PDE4D: variants seen among roughly 807,000 people sequenced by gnomAD.
PDE4D encodes phosphodiesterase 4D, also known as 3',5'-cyclic-AMP phosphodiesterase 4D.
PDE4D carries 24 observed loss-of-function variants against 87.4 expected under a neutral mutation model. The observed-to-expected ratio is 0.27, with a 90% confidence interval of 0.20 to 0.39. The LOEUF (loss-of-function observed/expected upper bound fraction) is 0.39. Ranked by LOEUF, PDE4D falls within the 10% of genes least tolerant of loss-of-function variation. The pLI, the probability that PDE4D is intolerant of heterozygous loss-of-function variation, is 1.00. For synonymous variants in PDE4D, 384 were observed against 383.2 expected (o/e 1.00, Z -0.02); for missense variants, 714 against 1,041.0 (o/e 0.69, Z 4.32).
chr5:59,119,787 A>C (rs1034804537), intron 5 of PDE4D, among the ~76,000 whole-genome samples: 2 of 152,196 alleles, frequency 1.3e-5, no homozygotes, highest in African/African-American at 4.8e-5. Context: ...TCATATTCAG[A>C]GAAATGGATA....
chr5:60,215,799 T>C (rs1419344226), intron 1 of PDE4D, among the ~76,000 whole-genome samples: 1 of 152,086 alleles, frequency 6.6e-6, no homozygotes, highest in Non-Finnish European at 1.5e-5. Flanking sequence ...TTTGTACACA[T>C]GTTAAAGTTT....
chr5:59,513,781 G>A (rs1284092813), intron 1 of PDE4D, among the ~76,000 whole-genome samples: 2 of 152,156 alleles, frequency 1.3e-5, no homozygotes, highest in African/African-American at 4.8e-5. Context: ...AAATAAACAC[G>A]CTTCATTGTG....
At chr5:59,895,274 G>A (rs557528243), upstream of PDE4D, among the ~76,000 whole-genome samples, 5 of 152,314 alleles carry the variant, frequency 3.3e-5, no homozygotes, top group South Asian at 2.1e-4. Flanking sequence ...AACAGTCCAC[G>A]AAATGTGCAA....
chr5:59,774,341 G>C (rs1354216336), intron 1 of PDE4D, among the ~76,000 whole-genome samples: 1 of 152,068 alleles, frequency 6.6e-6, no homozygotes, highest in African/African-American at 2.4e-5. Flanking sequence ...ATATAAGCTT[G>C]GAAGTCAATA....
At chr5:58,981,099 T>C (rs1745021059) in intron 11 of PDE4D, among the ~76,000 whole-genome samples, 3 of 152,154 alleles carry the variant, frequency 2.0e-5, no homozygotes. Context: ...AGTCTACCAA[T>C]TCAAATGCTA....
intron 1 of PDE4D, among the ~76,000 whole-genome samples, chr5:60,342,394 C>T (rs1034330541): frequency 6.6e-6 from 1 of 152,078 alleles, no homozygotes; most frequent in African/African-American, 2.4e-5. Flanking sequence ...ATTTTGTGAC[C>T]GTGGGGGAGG....
At chr5:59,800,029 C>A (rs1321073975) in intron 1 of PDE4D, among the ~76,000 whole-genome samples, 1 of 151,830 alleles carries the variant, frequency 6.6e-6, no homozygotes, top group Non-Finnish European at 1.5e-5. Flanking sequence ...TTTAAAAAGA[C>A]TATTATGGGG....
intron 1 of PDE4D, among the ~76,000 whole-genome samples, chr5:59,653,214 T>TTTTTC (rs1743807287): frequency 7.0e-6 from 1 of 143,484 alleles, no homozygotes; most frequent in African/African-American, 2.8e-5. Context: ...AAAAATTTTT[T>TTTTTC]TTTTTTTTTT....
Position 59,921,459 on chromosome 5 carries a change from G to A in PDE4D, c.272+67029C>T, listed in dbSNP as rs2916861. Among the ~76,000 whole-genome samples, 538 of 152,032 alleles carry A rather than the reference G, an allele frequency of 3.5e-3. 14 individuals are homozygous for A. In the East Asian group the frequency reaches 0.084, roughly 24 times the overall value. On this transcript the variant is annotated intron_variant, in intron 3 of 16. Transcript: ENST00000502484. The stretch of plus-strand genomic sequence containing the variant: ...ATATGAGTACTACAGTGCCAGATAC[G>A]CAATATTGATTTATAGAAAAAAAAC...
At chr5:59,580,336 C>T (rs929945339) in intron 1 of PDE4D, among the ~76,000 whole-genome samples, 5 of 152,102 alleles carry the variant, frequency 3.3e-5, no homozygotes, top group African/African-American at 1.2e-4. Flanking sequence ...AGTTATATTG[C>T]CATTAAAGGA....
At chr5:59,001,977 T>C in intron 6 of PDE4D, 1 of 492,976 alleles carries the variant, frequency 2.0e-6, no homozygotes, top group South Asian at 1.5e-5. Flanking sequence ...TGTTCCCCTA[T>C]ACGGCATCAC....
chr5:60,468,629 A>G (rs1051796271), intron 1 of PDE4D, among the ~76,000 whole-genome samples: 6 of 151,652 alleles, frequency 4.0e-5, no homozygotes, highest in Admixed American at 3.3e-4. Context: ...TTTTTTTTTA[A>G]GAGTCAGGGT....
intron 1 of PDE4D, among the ~76,000 whole-genome samples, chr5:60,323,942 G>A (rs1381753915): frequency 2.0e-5 from 3 of 151,980 alleles, no homozygotes; most frequent in African/African-American, 7.3e-5. Flanking sequence ...GCCCCAACAA[G>A]AACTAACTCT....
intron 1 of PDE4D, among the ~76,000 whole-genome samples, chr5:60,519,137 G>A (rs976652790): frequency 1.1e-4 from 17 of 152,178 alleles, no homozygotes; most frequent in Non-Finnish European, 2.1e-4. Flanking sequence ...TATTACTAAC[G>A]AACTTGAAGT....
At chr5:59,636,738 TA>T (rs1265472900) in intron 1 of PDE4D, among the ~76,000 whole-genome samples, 1 of 152,160 alleles carries the variant, frequency 6.6e-6, no homozygotes, top group Non-Finnish European at 1.5e-5. Context: ...CCTTACACCT[TA>T]TACAAAAATT....
intron 2 of PDE4D, among the ~76,000 whole-genome samples, chr5:60,178,437 A>G (rs1371986304): frequency 1.3e-5 from 2 of 151,138 alleles, no homozygotes; most frequent in Non-Finnish European, 3.0e-5. Flanking sequence ...ACTTGCAAAG[A>G]AAAAAAAACA....
chr5:59,193,968 C>T (rs1051141922), intron 2 of PDE4D, among the ~76,000 whole-genome samples: 2 of 152,174 alleles, frequency 1.3e-5, no homozygotes, highest in African/African-American at 4.8e-5. Context: ...TGGAGTGTTC[C>T]ACATCATCCC....
intron 1 of PDE4D, among the ~76,000 whole-genome samples, chr5:60,368,771 C>A (rs1203788174): frequency 6.6e-6 from 1 of 151,880 alleles, no homozygotes; most frequent in Non-Finnish European, 1.5e-5. Flanking sequence ...TGTACCAGCT[C>A]CCCCTTCTCT....
intron 1 of PDE4D, among the ~76,000 whole-genome samples, chr5:59,374,445 G>A (rs1784400579): frequency 6.6e-6 from 1 of 152,052 alleles, no homozygotes. Flanking sequence ...ATTACATCAT[G>A]GTAAAGGGTT....
Sources: gnomAD v4.1 joint callset for allele counts (sites outside exome capture counted in the v4.1 genomes callset) on GRCh38, gnomAD v4.1.1 for gene constraint, MANE v1.5 for transcripts, NCBI Gene and HGNC (gene_info 2026-07-23, HGNC 2026-07-21) for gene names.